PARG: variants seen among roughly 807,000 people sequenced by gnomAD.
PARG encodes the protein mitochondrial poly(ADP-ribose) glycohydrolase.
PARG carries 35 observed loss-of-function variants against 113.0 expected under a neutral mutation model. The ratio of observed to expected loss-of-function variants is 0.31; its 90% confidence interval spans 0.24 to 0.41. The LOEUF (loss-of-function observed/expected upper bound fraction) is 0.41. PARG is among the 10% of genes least tolerant of loss of function. The pLI is 1.00. For synonymous variants in PARG, 330 were observed against 409.9 expected (o/e 0.81, Z 2.36); for missense variants, 797 against 1,169.4 (o/e 0.68, Z 4.64).
At position 49,938,627 on chromosome 10, in the gene PARG, G is replaced by A. The variant is rs1838864146; in HGVS notation, c.217+2882C>T. Among the ~76,000 whole-genome samples, 4 of 151,690 alleles carry A rather than the reference G, an allele frequency of 2.6e-5. No homozygotes were observed. The South Asian group carries it at 8.4e-4, about 32-fold the overall frequency. Reference sequence around the variant, plus strand: ...TTTTTTTTTTCTTTTTTCAGAAGTGGGGTCTCGCTATGTTGCTCAGGCTGG... The same window carrying A: ...TTTTTTTTTTCTTTTTTCAGAAGTGAGGTCTCGCTATGTTGCTCAGGCTGG... On this transcript the variant is annotated intron_variant, in intron 1 of 17. Transcript: ENST00000616448.
intron 7 of PARG, among the ~76,000 whole-genome samples, chr10:49,900,065 A>G (rs1250374955): frequency 1.3e-5 from 2 of 150,812 alleles, no homozygotes. Context: ...TTTCCTCCCC[A>G]TCAAGGATTG....
chr10:49,830,501 C>T (rs17010387), intron 16 of PARG, among the ~76,000 whole-genome samples: 2,972 of 152,094 alleles, frequency 0.02, 53 homozygotes, highest in South Asian at 0.035. Flanking sequence ...TCAGCCTGAT[C>T]GGTTGAAATA....
At chr10:49,826,153 T>C (rs1252389748) in intron 16 of PARG, among the ~76,000 whole-genome samples, 1 of 152,200 alleles carries the variant, frequency 6.6e-6, no homozygotes, top group African/African-American at 2.4e-5. Context: ...CAGACACCTT[T>C]GAATGCACAT....
At chr10:49,897,023 C>G (rs1848120856) in intron 7 of PARG, among the ~76,000 whole-genome samples, 2 of 152,180 alleles carry the variant, frequency 1.3e-5, no homozygotes, top group African/African-American at 4.8e-5. Flanking sequence ...CATGAAACCA[C>G]TAGTTTTATT....
At position 49,820,306 on chromosome 10, in the gene PARG, G is replaced by A. The variant is rs1423453207; in HGVS notation, c.2648-13C>T. Reference sequence around the variant, plus strand: ...ATCTGTATTAAGGCTGAGGCAAAGAGAAAAGACACGGCTATATCATGACAT... The same window carrying A: ...ATCTGTATTAAGGCTGAGGCAAAGAAAAAAGACACGGCTATATCATGACAT... On this transcript the variant is annotated splice_polypyrimidine_tract_variant and intron_variant, in intron 16 of 17. Transcript: ENST00000616448. 1.3e-6 allele frequency: 2 copies of A among 1,540,128 alleles called. No homozygotes were observed. The highest frequency in any genetic ancestry group is 1.8e-6 in the Non-Finnish European group (2 of 1,137,722).
chr10:49,893,789 G>GT (rs1847931649), intron 7 of PARG, among the ~76,000 whole-genome samples: 1 of 151,704 alleles, frequency 6.6e-6, no homozygotes, highest in Non-Finnish European at 1.5e-5. Context: ...CGCCTCCCAA[G>GT]TTCACGCCAT....
chr10:49,832,937 G>T, intron 15 of PARG, 29 bp from the exon 16 acceptor site: 1 of 1,192,290 alleles, frequency 8.4e-7, no homozygotes, highest in Non-Finnish European at 1.2e-6. Flanking sequence ...ATCAAAGCCT[G>T]TGAGTGCCTA....
chr10:49,905,367 G>A (rs1848535699), intron 7 of PARG, among the ~76,000 whole-genome samples: 1 of 152,204 alleles, frequency 6.6e-6, no homozygotes, highest in Non-Finnish European at 1.5e-5. Context: ...TGAACTCTTA[G>A]CAAGGCCTAT....
At chr10:49,932,976 ATATT>A (rs1440074076) in intron 3 of PARG, among the ~76,000 whole-genome samples, 197 bp downstream of exon 3, 4 of 152,244 alleles carry the variant, frequency 2.6e-5, no homozygotes, top group Non-Finnish European at 4.4e-5. Context: ...CTGATTTCTA[ATATT>A]TATTTTATTT....
chr10:49,931,815 G>T, intron 4 of PARG, among the ~76,000 whole-genome samples: 1 of 151,074 alleles, frequency 6.6e-6, no homozygotes, highest in Non-Finnish European at 1.5e-5. Flanking sequence ...ACTATCAACT[G>T]AGTAAAAAGA....
At chr10:49,883,711 A>C (rs868939149) in intron 8 of PARG, among the ~76,000 whole-genome samples, 3 of 151,876 alleles carry the variant, frequency 2.0e-5, no homozygotes, top group Non-Finnish European at 2.9e-5. Flanking sequence ...TGAGGCAGGA[A>C]AATCACTTGA....
chr10:49,911,583 A>G (rs1238153112), intron 7 of PARG, among the ~76,000 whole-genome samples: 10 of 152,280 alleles, frequency 6.6e-5, no homozygotes, highest in African/African-American at 2.2e-4. Flanking sequence ...TCGACTCAGT[A>G]GCACCTAAAT....
intron 7 of PARG, among the ~76,000 whole-genome samples, chr10:49,907,756 A>C (rs1298687220): frequency 9.8e-5 from 15 of 152,344 alleles, no homozygotes; most frequent in Admixed American, 2.6e-4. Flanking sequence ...AACTGTGTTA[A>C]TAAAATACAA....
rs535483692 is a variant in PARG at position 49,897,907 on chromosome 10, G to A, written c.1738-12612C>T. 2.0e-3 allele frequency among the ~76,000 whole-genome samples: 310 copies of A among 152,246 alleles called. 3 individuals are homozygous for A. Among genetic ancestry groups the A allele is most frequent in the East Asian group, 7.7e-3 (40 of 5,176 alleles). ...TTTGGGTGGCTAAGGCATGAGAATC[G>A]CTTGAGCTCGGGAGGTGGAGGTTGC... is the stretch of plus-strand genomic sequence containing the variant. On this transcript the variant is annotated intron_variant, in intron 7 of 17. Transcript: ENST00000616448.
intron 16 of PARG, among the ~76,000 whole-genome samples, chr10:49,820,606 C>T (rs1844023848): frequency 6.6e-6 from 1 of 151,652 alleles, no homozygotes. Context: ...ACTGTAATCC[C>T]AGCTACTCGG....
chr10:49,937,078 C>CA (rs1838783712), intron 1 of PARG, among the ~76,000 whole-genome samples: 1 of 152,192 alleles, frequency 6.6e-6, no homozygotes, highest in African/African-American at 2.4e-5. Flanking sequence ...GAGCTTCAGT[C>CA]AGAGGGAGTA....
At chr10:49,902,173 A>C (rs1588965108) in intron 7 of PARG, among the ~76,000 whole-genome samples, 1 of 152,354 alleles carries the variant, frequency 6.6e-6, no homozygotes, top group East Asian at 1.9e-4. Context: ...ACATATGTAG[A>C]TACAACTACA....
intron 13 of PARG, among the ~76,000 whole-genome samples, chr10:49,851,856 GTTT>G: frequency 6.7e-6 from 1 of 150,196 alleles, no homozygotes; most frequent in Non-Finnish European, 1.5e-5. Context: ...TTACTGAAAG[GTTT>G]TTAACTCATG....
chr10:49,846,397 T>G (rs1233148748), intron 13 of PARG, among the ~76,000 whole-genome samples: 1 of 151,012 alleles, frequency 6.6e-6, no homozygotes, highest in Non-Finnish European at 1.5e-5. Flanking sequence ...TATGTCTTGA[T>G]AGGGGTGTGG....
Sources: allele counts gnomAD v4.1 joint callset (sites outside exome capture counted in the v4.1 genomes callset), GRCh38; gene constraint gnomAD v4.1.1; transcripts MANE v1.5; gene names NCBI Gene and HGNC (gene_info 2026-07-23, HGNC 2026-07-21).